Variants in EPB41L3 observed in about 807,000 individuals in gnomAD.
EPB41L3 encodes the protein erythrocyte membrane protein band 4.1 like 3.
A neutral mutation model predicts 127.1 loss-of-function variants in EPB41L3; 57 were observed. The ratio of observed to expected loss-of-function variants is 0.45; its 90% CI spans 0.36 to 0.56. The LOEUF (loss-of-function observed/expected upper bound fraction) is 0.56, where lower values mean the gene tolerates loss of function less well. Ranked by LOEUF, EPB41L3 falls within the 20% of genes least tolerant of loss-of-function variation. The pLI is 0.00. For synonymous variants in EPB41L3, 572 were observed against 549.5 expected (o/e 1.04, Z -0.57); for missense variants, 1,273 against 1,372.2 (o/e 0.93, Z 1.14).
chr18:5,550,445 T>A (rs553591293), intron 3 of EPB41L3, among the ~76,000 whole-genome samples: 1 of 152,336 alleles, frequency 6.6e-6, no homozygotes, highest in South Asian at 2.1e-4. Flanking sequence ...ATCAATTTAT[T>A]AAGGTTATTT....
intron 1 of EPB41L3, among the ~76,000 whole-genome samples, chr18:5,529,709 C>A (rs1408177379): frequency 1.3e-5 from 2 of 152,178 alleles, no homozygotes; most frequent in Non-Finnish European, 2.9e-5. Flanking sequence ...TTCTCCCTTG[C>A]AGATTCTCTT....
At chr18:5,554,414 A>T (rs2094005994) in intron 3 of EPB41L3, among the ~76,000 whole-genome samples, 1 of 152,220 alleles carries the variant, frequency 6.6e-6, no homozygotes, top group Admixed American at 6.5e-5. Flanking sequence ...AAAATTGAAG[A>T]ATTAGCTTGC....
chr18:5,565,182 A>C (rs1248524730), intron 3 of EPB41L3, among the ~76,000 whole-genome samples: 1 of 151,608 alleles, frequency 6.6e-6, no homozygotes, highest in African/African-American at 2.4e-5. Context: ...GGATCACTTG[A>C]GGCCAGGAGT....
chr18:5,468,846 G>A (rs927715353), intron 3 of EPB41L3, among the ~76,000 whole-genome samples: 9 of 152,190 alleles, frequency 5.9e-5, no homozygotes, highest in African/African-American at 2.2e-4. Context: ...AACCTGGGAG[G>A]TGGAGATTTC....
chr18:5,572,273 A>C (rs1293581918), intron 3 of EPB41L3, among the ~76,000 whole-genome samples: 2 of 152,212 alleles, frequency 1.3e-5, no homozygotes, highest in Non-Finnish European at 2.9e-5. Context: ...ACTGCTAGGA[A>C]TCTAAGAGCC....
intron 3 of EPB41L3, among the ~76,000 whole-genome samples, chr18:5,574,420 C>A (rs578037834): frequency 1.9e-4 from 29 of 150,168 alleles, no homozygotes; most frequent in African/African-American, 6.1e-4. Flanking sequence ...ATTAGACCTA[C>A]CTCAACCTGA....
intron 9 of EPB41L3, among the ~76,000 whole-genome samples, chr18:5,425,152 C>T (rs2077995682): frequency 6.6e-6 from 1 of 152,120 alleles, no homozygotes; most frequent in Admixed American, 6.5e-5. Context: ...CCCCAAAGAG[C>T]ACACAATGGG....
rs530887014 is a variant in EPB41L3, at chr18:5,413,154, A to T, written c.2068-2535T>A. On this transcript the variant is annotated intron_variant, in intron 13 of 22. Coordinates refer to ENST00000341928, the MANE Select transcript of EPB41L3 (RefSeq NM_012307.5). ...TCATATAATACTGTTTATGTAATTT[A>T]AAATGTTATAAATCAGTTAATTTTT... Among the ~76,000 whole-genome samples the T allele has an allele frequency of 4.7e-4, 72 of 152,352 alleles. No individual in the cohort carries two copies. In the South Asian group the frequency reaches 0.012, roughly 25 times the overall value.
Position 5,504,057 on chromosome 18 carries a change from AG to A in EPB41L3, c.-11-14864del, listed in dbSNP as rs1036998246. ...AGAAGTGCCTCCCTTTAATTGGAAT[AG>A]GCTTGCCATTGAGGAGAATAGGAGA... On this transcript the variant is annotated intron_variant, in intron 1 of 22. Transcript: ENST00000341928. Among the ~76,000 whole-genome samples the A allele has an allele frequency of 5.3e-5, 8 of 152,322 alleles. No homozygotes were observed. In the South Asian group the frequency reaches 8.3e-4, roughly 16 times the overall value.
chr18:5,450,974 G>A (rs940692370), intron 3 of EPB41L3, among the ~76,000 whole-genome samples: 2 of 152,096 alleles, frequency 1.3e-5, no homozygotes. Context: ...GAAGCACTAC[G>A]TGACTGCCTG....
At chr18:5,445,667 G>A (rs2077607936) in intron 3 of EPB41L3, among the ~76,000 whole-genome samples, 1 of 152,102 alleles carries the variant, frequency 6.6e-6, no homozygotes, top group Non-Finnish European at 1.5e-5. Flanking sequence ...TCTAGATCAG[G>A]AGTCCTCAGC....
intron 3 of EPB41L3, among the ~76,000 whole-genome samples, chr18:5,584,844 A>G (rs920711578): frequency 1.3e-5 from 2 of 152,238 alleles, no homozygotes; most frequent in African/African-American, 4.8e-5. Context: ...TCTGTAGCAA[A>G]TTGAAACGAA....
chr18:5,398,057 T>C lies in EPB41L3; in HGVS notation c.2436A>G (p.Ile812Met). 1 of 1,614,154 alleles carries C rather than the reference T, an allele frequency of 6.2e-7. No homozygotes were observed. Among genetic ancestry groups the C allele is most frequent in the Non-Finnish European group, 8.5e-7 (1 of 1,180,024 alleles). ...TTTGAGAAGTAGAAGTAACCCCTCC[T>C]ATGAATTCTGTTGGTTTTCGCGCAG... ...LESARKPTEF[I>M]GGVTSTSQSW... is the part of the protein sequence containing the mutation. The change falls in exon 17 of 23, where the codon ATA becomes ATG. Residue 812 changes from isoleucine to methionine, a missense_variant. By Grantham distance (10) the Ile-to-Met change is conservative (BLOSUM62 1). Coordinates refer to ENST00000341928, the MANE Select transcript of EPB41L3 (RefSeq NM_012307.5).
chr18:5,546,833 CCT>C (rs1284894654), upstream of EPB41L3, among the ~76,000 whole-genome samples: 1 of 152,186 alleles, frequency 6.6e-6, no homozygotes, highest in African/African-American at 2.4e-5. Flanking sequence ...CATGCAGGAT[CCT>C]CTCTTAGTCC....
chr18:5,401,605 A>C (rs1477106074), intron 16 of EPB41L3, among the ~76,000 whole-genome samples: 1 of 152,166 alleles, frequency 6.6e-6, no homozygotes. Context: ...AATAAAGAAA[A>C]AATACTCAAT....
intron 8 of EPB41L3, among the ~76,000 whole-genome samples, chr18:5,432,077 C>T (rs573011182): frequency 9.8e-5 from 15 of 152,298 alleles, no homozygotes; most frequent in Admixed American, 4.6e-4. Flanking sequence ...TCCTGCATGA[C>T]GTGCAGAGTG....
At chr18:5,505,875 C>A (rs563175677) in intron 1 of EPB41L3, among the ~76,000 whole-genome samples, 117 of 147,586 alleles carry the variant, frequency 7.9e-4, no homozygotes, top group Non-Finnish European at 1.4e-3. Flanking sequence ...CCTTCCACAC[C>A]TTCACCTCCA....
intron 2 of EPB41L3, among the ~76,000 whole-genome samples, chr18:5,479,160 C>T (rs2874688): frequency 1.3e-5 from 2 of 152,022 alleles, no homozygotes; most frequent in African/African-American, 4.8e-5. Flanking sequence ...AACATTCTCC[C>T]GTATACCAAT....
Position 5,540,190 on chromosome 18 carries a change from TAC to T in EPB41L3, c.-12+3721_-12+3722del, listed in dbSNP as rs1320847536. On this transcript the variant is annotated intron_variant, in intron 1 of 22. Transcript: ENST00000341928. ...TTTGTAAATGGCCCTTCTAAAAAAT[TAC>T]AGTTTTCTCTACAAAAGGAATATTC... is the stretch of plus-strand genomic sequence containing the variant. 11 of 263,410 alleles carry T rather than the reference TAC, an allele frequency of 4.2e-5. No homozygotes were observed. The South Asian group carries it at 5.7e-4, about 14-fold the overall frequency. The allele number at this position is 263,410 out of a possible 1,614,324, so 16.3% of individuals were successfully genotyped here.
Sources: allele counts gnomAD v4.1 joint callset (sites outside exome capture counted in the v4.1 genomes callset), GRCh38; gene constraint gnomAD v4.1.1; transcripts MANE v1.5; gene names NCBI Gene and HGNC (gene_info 2026-07-23, HGNC 2026-07-21).